Variants in RBFOX1 observed in about 807,000 individuals in gnomAD.
RBFOX1 encodes the protein RNA binding protein fox-1 homolog 1.
RBFOX1 carries 8 observed loss-of-function variants against 57.7 expected under a neutral mutation model. The observed-to-expected ratio is 0.14, with a 90% CI of 0.08 to 0.25. The LOEUF is 0.25. RBFOX1 is among the 10% of genes least tolerant of loss of function. RBFOX1 has a pLI of 1.00. For missense variants in RBFOX1, 611 were observed against 548.5 expected (o/e 1.11, Z -1.14); for synonymous variants, 326 against 222.4 (o/e 1.47, Z -4.15).
intron 1 of RBFOX1, among the ~76,000 whole-genome samples, chr16:5,463,186 C>G (rs1597166709): frequency 6.6e-6 from 1 of 152,136 alleles, no homozygotes; most frequent in Non-Finnish European, 1.5e-5. Context: ...AGGGAGTTTT[C>G]TCTTCCTTTA....
At chr16:7,211,324 GGAGCTTGCAGTGAGCC>G (rs1468192678) in intron 4 of RBFOX1, among the ~76,000 whole-genome samples, 1 of 146,124 alleles carries the variant, frequency 6.8e-6, no homozygotes, top group Non-Finnish European at 1.5e-5. Context: ...CCTGGGAGGC[GGAGCTTGCAGTGAGCC>G]GAGATTGCAC....
At position 5,572,375 on chromosome 16, in the gene RBFOX1, G is replaced by T. The variant is rs146262426; in HGVS notation, c.259-26527G>T. On this transcript the variant is annotated intron_variant, in intron 2 of 2. Transcript: ENST00000585867. Reference sequence around the variant, plus strand: ...GAACACAGCAGACAAAAATCCCTGAGGCCACTAACAGTATATTCTGTGGCA... The same window carrying T: ...GAACACAGCAGACAAAAATCCCTGATGCCACTAACAGTATATTCTGTGGCA... Among the ~76,000 whole-genome samples, 457 of 152,262 alleles carry T rather than the reference G, an allele frequency of 3.0e-3. 2 individuals carry two copies. Among genetic ancestry groups the T allele is most frequent in the African/African-American group, 9.9e-3 (413 of 41,554 alleles).
At chr16:6,148,341 A>G (rs1357748314) in intron 1 of RBFOX1, among the ~76,000 whole-genome samples, 1 of 152,172 alleles carries the variant, frequency 6.6e-6, no homozygotes, top group East Asian at 1.9e-4. Flanking sequence ...TAAGCAAACA[A>G]ACAAACTGCC....
intron 1 of RBFOX1, among the ~76,000 whole-genome samples, chr16:6,226,438 T>C (rs7193879): frequency 0.99 from 149,148 of 150,914 alleles, 73,726 homozygotes; most frequent in East Asian, 1. Flanking sequence ...AGTAAGCCTG[T>C]CTATGTCTTT....
chr16:5,573,083 C>A (rs1463343526), intron 2 of RBFOX1, among the ~76,000 whole-genome samples: 1 of 152,094 alleles, frequency 6.6e-6, no homozygotes, highest in Non-Finnish European at 1.5e-5. Flanking sequence ...AATGATGGTG[C>A]CCTGGATCGG....
chr16:6,931,416 A>C (rs1487768285), intron 3 of RBFOX1, among the ~76,000 whole-genome samples: 2 of 151,928 alleles, frequency 1.3e-5, no homozygotes, highest in African/African-American at 2.4e-5. Context: ...TGCATGAACC[A>C]CTAAAGGCAT....
chr16:6,441,602 C>A (rs1347630223), intron 2 of RBFOX1, among the ~76,000 whole-genome samples: 1 of 151,980 alleles, frequency 6.6e-6, no homozygotes. Context: ...AATTTTAGTA[C>A]AGACGGGGTT....
chr16:6,886,787 A>AC (rs1373696665), intron 3 of RBFOX1, among the ~76,000 whole-genome samples: 6 of 151,474 alleles, frequency 4.0e-5, no homozygotes, highest in African/African-American at 7.3e-5. Flanking sequence ...ACAAAACAAA[A>AC]AAAAAACCAG....
chr16:5,354,337 C>A lies in RBFOX1; in HGVS notation c.220-112879C>A, dbSNP rs115525832. Among the ~76,000 whole-genome samples, 819 of 152,288 alleles carry A rather than the reference C, an allele frequency of 5.4e-3. 6 individuals are homozygous for A. Among genetic ancestry groups the A allele is most frequent in the African/African-American group, 0.019 (770 of 41,550 alleles). On this transcript the variant is annotated intron_variant, in intron 1 of 2. Coordinates refer to the RBFOX1 transcript ENST00000585867. ...TGTCTTTCAGTCTCTCCTTGTCGAT[C>A]TGTAGTCTGACCCAATATTCCTGAA...
chr16:7,033,894 G>C (rs979224912), intron 3 of RBFOX1, among the ~76,000 whole-genome samples: 13 of 152,148 alleles, frequency 8.5e-5, no homozygotes, highest in Non-Finnish European at 1.8e-4. Context: ...ATTTGAGCCT[G>C]GGAAGTTCAA....
At chr16:5,301,618 CAAAAAA>C (rs60501583) in intron 1 of RBFOX1, among the ~76,000 whole-genome samples, 2 of 87,052 alleles carry the variant, frequency 2.3e-5, no homozygotes, top group African/African-American at 9.2e-5. Context: ...GTCTCCATCT[CAAAAAA>C]AAAAAAAAAA....
At chr16:6,852,297 C>T (rs563897756) in intron 3 of RBFOX1, among the ~76,000 whole-genome samples, 1 of 152,084 alleles carries the variant, frequency 6.6e-6, no homozygotes, top group South Asian at 2.1e-4. Context: ...TGTGCCTCTG[C>T]GTCTTTCTTT....
chr16:6,393,635 C>T (rs1247834797), intron 2 of RBFOX1, among the ~76,000 whole-genome samples: 7 of 152,170 alleles, frequency 4.6e-5, no homozygotes, highest in Non-Finnish European at 8.8e-5. Flanking sequence ...TGCTGACCTC[C>T]TCCCACTCAT....
At chr16:6,985,437 A>T (rs906990840) in intron 3 of RBFOX1, among the ~76,000 whole-genome samples, 1 of 152,206 alleles carries the variant, frequency 6.6e-6, no homozygotes, top group Non-Finnish European at 1.5e-5. Flanking sequence ...ACTTCAGCCC[A>T]TGTGTTCTCA....
At chr16:6,720,170 G>A (rs532818147) in intron 3 of RBFOX1, among the ~76,000 whole-genome samples, 13 of 152,154 alleles carry the variant, frequency 8.5e-5, no homozygotes, top group African/African-American at 3.1e-4. Flanking sequence ...CTGACACAGG[G>A]TAAGGATTTA....
intron 1 of RBFOX1, among the ~76,000 whole-genome samples, chr16:6,039,590 G>C (rs2152411681): frequency 6.6e-6 from 1 of 152,254 alleles, no homozygotes; most frequent in African/African-American, 2.4e-5. Context: ...TAGACTGCCA[G>C]CTTCTGCAAC....
At chr16:6,745,041 C>T (rs1033125177) in intron 3 of RBFOX1, among the ~76,000 whole-genome samples, 2 of 151,994 alleles carry the variant, frequency 1.3e-5, no homozygotes, top group South Asian at 4.2e-4. Flanking sequence ...AAAATAAGAT[C>T]ATATTATGAA....
intron 4 of RBFOX1, among the ~76,000 whole-genome samples, chr16:6,002,975 G>C (rs560285741): frequency 6.0e-4 from 92 of 152,216 alleles, no homozygotes; most frequent in African/African-American, 2.2e-3. Flanking sequence ...TCCTCGTTGG[G>C]GGACACAAGA....
chr16:6,367,765 A>G (rs2089868960), intron 2 of RBFOX1, among the ~76,000 whole-genome samples: 1 of 151,334 alleles, frequency 6.6e-6, no homozygotes, highest in Non-Finnish European at 1.5e-5. Flanking sequence ...AAAAAAAAAT[A>G]GGGAAAATGA....
Sources: gnomAD v4.1 joint callset for allele counts (sites outside exome capture counted in the v4.1 genomes callset) on GRCh38, gnomAD v4.1.1 for gene constraint, MANE v1.5 for transcripts, NCBI Gene and HGNC (gene_info 2026-07-23, HGNC 2026-07-21) for gene names.